The following BABAM2 variants were observed in gnomAD, a reference collection of about 807,000 sequenced individuals.
BABAM2 encodes BRISC and BRCA1-A complex member 2.
BABAM2 carries 31 observed loss-of-function variants against 54.7 expected under a neutral mutation model. The observed-to-expected ratio is 0.57, with a 90% confidence interval of 0.43 to 0.77. The LOEUF (loss-of-function observed/expected upper bound fraction) is 0.77. Ranked by LOEUF, BABAM2 falls within the 30% of genes least tolerant of loss-of-function variation. The probability of loss-of-function intolerance (pLI) is 0.00; values close to 1 mark genes in which losing one functional copy is unlikely to be tolerated. For synonymous variants in BABAM2, 167 were observed against 162.9 expected, an observed-to-expected ratio of 1.03 and a Z score of -0.19; for missense variants, 364 against 455.8, an observed-to-expected ratio of 0.80 and a Z score of 1.83.
At chr2:27,935,436 T>C (rs1270271869) in intron 3 of BABAM2, among the ~76,000 whole-genome samples, 1 of 152,238 alleles carries the variant, frequency 6.6e-6, no homozygotes, top group Non-Finnish European at 1.5e-5. Context: ...ATTGCTACAA[T>C]GCCATGGTAA....
intron 10 of BABAM2, among the ~76,000 whole-genome samples, 191 bp from the exon 11 acceptor site, chr2:28,298,147 A>T (rs1385906312): frequency 1.3e-5 from 2 of 151,398 alleles, no homozygotes; most frequent in Non-Finnish European, 2.9e-5. Flanking sequence ...TAGATTATAA[A>T]CTCCTCGAAG....
intron 10 of BABAM2, among the ~76,000 whole-genome samples, chr2:28,266,782 C>T (rs1340030587): frequency 6.6e-6 from 1 of 152,220 alleles, no homozygotes; most frequent in East Asian, 1.9e-4. Flanking sequence ...AATACTTCTC[C>T]ATATTTACCA....
At chr2:27,922,852 C>G (rs1476727585) in intron 2 of BABAM2, among the ~76,000 whole-genome samples, 1 of 152,092 alleles carries the variant, frequency 6.6e-6, no homozygotes, top group Non-Finnish European at 1.5e-5. Context: ...AAAAGTGATT[C>G]AATTTGGAAT....
intron 11 of BABAM2, among the ~76,000 whole-genome samples, chr2:28,331,701 G>A (rs766395567): frequency 2.0e-5 from 3 of 152,172 alleles, no homozygotes; most frequent in Non-Finnish European, 2.9e-5. Flanking sequence ...AAGTAGGAAC[G>A]CTTTTACACT....
chr2:28,004,389 G>C (rs1263166407), intron 4 of BABAM2, among the ~76,000 whole-genome samples: 4 of 151,974 alleles, frequency 2.6e-5, no homozygotes, highest in Non-Finnish European at 5.9e-5. Context: ...TAAGTAGGTA[G>C]GATTACAAAA....
At position 28,310,196 on chromosome 2, in the gene BABAM2, C is replaced by T. The variant is rs1016191780; in HGVS notation, c.1088+11705C>T. On this transcript the variant is annotated intron_variant, in intron 11 of 11. Transcript: ENST00000379624. ...ATTTATTAGAACCTGACATCTGTTGCAGTGAAATGATAAGCTCCATTGAAA... is the reference window on the plus strand; with the variant it reads ...ATTTATTAGAACCTGACATCTGTTGTAGTGAAATGATAAGCTCCATTGAAA... 3.2e-6 allele frequency: 5 copies of T among 1,584,768 alleles called. No individual in the cohort carries two copies. The African/African-American group carries it at 4.0e-5, about 13-fold the overall frequency.
At chr2:27,985,242 C>G (rs1672320953) in intron 3 of BABAM2, among the ~76,000 whole-genome samples, 2 of 152,102 alleles carry the variant, frequency 1.3e-5, no homozygotes, top group Non-Finnish European at 2.9e-5. Context: ...GGTAGATACC[C>G]AGTGGTGGGA....
At chr2:27,941,941 A>G (rs1157324634) in intron 3 of BABAM2, among the ~76,000 whole-genome samples, 4 of 152,240 alleles carry the variant, frequency 2.6e-5, no homozygotes, top group African/African-American at 7.2e-5. Flanking sequence ...AACATTGCAC[A>G]TAATGTTCTG....
intron 11 of BABAM2, among the ~76,000 whole-genome samples, chr2:28,328,485 C>G (rs1422350097): frequency 6.6e-6 from 1 of 152,184 alleles, no homozygotes; most frequent in East Asian, 1.9e-4. Flanking sequence ...ACTTCTCCTA[C>G]CACACCCCAC....
chr2:28,159,037 T>G (rs1472877566), intron 7 of BABAM2, among the ~76,000 whole-genome samples: 1 of 152,222 alleles, frequency 6.6e-6, no homozygotes, highest in Non-Finnish European at 1.5e-5. Context: ...CTTAAATGGC[T>G]AAAGGATAAA....
chr2:28,310,126 A>T (rs757914179), intron 11 of BABAM2: 1 of 1,614,184 alleles, frequency 6.2e-7, no homozygotes, highest in South Asian at 1.1e-5. Context: ...TCTGCCTGAC[A>T]TCCAGGCATC....
chr2:28,323,315 G>A (rs1002553830), intron 11 of BABAM2, among the ~76,000 whole-genome samples: 2 of 152,118 alleles, frequency 1.3e-5, no homozygotes, highest in Non-Finnish European at 2.9e-5. Context: ...GGAGACAAAG[G>A]GGAGATAGAC....
At chr2:28,167,803 A>G (rs1423873950) in intron 7 of BABAM2, among the ~76,000 whole-genome samples, 2 of 152,190 alleles carry the variant, frequency 1.3e-5, no homozygotes, top group Non-Finnish European at 2.9e-5. Context: ...TACTCTATAT[A>G]TTCTAAAATA....
At chr2:27,986,417 G>A (rs1194373184) in intron 3 of BABAM2, among the ~76,000 whole-genome samples, 1 of 151,838 alleles carries the variant, frequency 6.6e-6, no homozygotes, top group Non-Finnish European at 1.5e-5. Context: ...ATATTTATTC[G>A]GTGGATGAGT....
intron 7 of BABAM2, among the ~76,000 whole-genome samples, chr2:28,150,976 C>T (rs1417411614): frequency 6.6e-6 from 1 of 152,152 alleles, no homozygotes; most frequent in Non-Finnish European, 1.5e-5. Flanking sequence ...TTAATAGCTC[C>T]CACAGCTCTG....
chr2:28,072,644 C>T (rs1424304079), intron 6 of BABAM2, among the ~76,000 whole-genome samples: 1 of 152,170 alleles, frequency 6.6e-6, no homozygotes, highest in Non-Finnish European at 1.5e-5. Context: ...CTCAGCCTCC[C>T]AAAGTGCTGG....
At chr2:28,042,919 G>T (rs913954974) in intron 5 of BABAM2, among the ~76,000 whole-genome samples, 3 of 151,802 alleles carry the variant, frequency 2.0e-5, no homozygotes, top group African/African-American at 7.3e-5. Context: ...AGCTACTCGG[G>T]AGGCTGAGGC....
chr2:28,142,942 T>C (rs1332460997), intron 7 of BABAM2, among the ~76,000 whole-genome samples: 2 of 152,152 alleles, frequency 1.3e-5, no homozygotes, highest in African/African-American at 2.4e-5. Flanking sequence ...ATAGATATTT[T>C]GGTGATTGGT....
In BABAM2 at chr2:28,113,138, C is replaced by G. The variant is rs995889543; in HGVS notation, c.571-16133C>G. Among the ~76,000 whole-genome samples, 5 of 152,160 alleles carry G rather than the reference C, an allele frequency of 3.3e-5. No homozygotes were observed. In the East Asian group the frequency reaches 9.6e-4, roughly 29 times the overall value. On this transcript the variant is annotated intron_variant, in intron 6 of 11. Coordinates refer to ENST00000379624, the MANE Select transcript of BABAM2 (RefSeq NM_199191.3). ...GATGGATAGATTGCAAAAATTTTCTCCCATTCTGTAGGTTGCCTGTTCACT... is the reference window on the plus strand; with the variant it reads ...GATGGATAGATTGCAAAAATTTTCTGCCATTCTGTAGGTTGCCTGTTCACT...
Sources: allele counts gnomAD v4.1 joint callset (sites outside exome capture counted in the v4.1 genomes callset), GRCh38; gene constraint gnomAD v4.1.1; transcripts MANE v1.5; gene names NCBI Gene and HGNC (gene_info 2026-07-23, HGNC 2026-07-21).